ATP6V0A4: variants seen among roughly 807,000 people sequenced by gnomAD.
ATP6V0A4 encodes ATPase H+ transporting V0 subunit a4.
A neutral mutation model predicts 107.3 loss-of-function variants in ATP6V0A4; 86 were observed. That is an observed-to-expected ratio of 0.80 (90% confidence interval 0.67 to 0.96). ATP6V0A4 has a LOEUF of 0.96. Among genes scored for constraint, ATP6V0A4 ranks in the 40% least tolerant of loss-of-function variants. The pLI, the probability that ATP6V0A4 is intolerant of heterozygous loss-of-function variation, is 0.00. For synonymous variants in ATP6V0A4, 353 were observed against 381.4 expected (o/e 0.93, Z 0.87); for missense variants, 908 against 1,045.6 (o/e 0.87, Z 1.81).
chr7:138,781,327 T>C (rs1807909624), intron 2 of ATP6V0A4, among the ~76,000 whole-genome samples: 1 of 152,104 alleles, frequency 6.6e-6, no homozygotes, highest in Non-Finnish European at 1.5e-5. Context: ...ATTTTCTTTT[T>C]TTTTTTCTTT....
intron 1 of ATP6V0A4, among the ~76,000 whole-genome samples, chr7:138,786,636 T>A (rs1296135612): frequency 6.6e-6 from 1 of 151,966 alleles, no homozygotes; most frequent in Admixed American, 6.6e-5. Context: ...GGATGGATTT[T>A]TTTACCTATA....
chr7:138,723,069 A>AAG (rs943260110), intron 18 of ATP6V0A4, among the ~76,000 whole-genome samples: 12 of 151,622 alleles, frequency 7.9e-5, no homozygotes, highest in East Asian at 1.9e-4. Flanking sequence ...AAAAAAAAAA[A>AAG]AAAGAAAAAT....
chr7:138,770,235 AAGG>A (rs1807311523), intron 3 of ATP6V0A4, among the ~76,000 whole-genome samples: 1 of 149,870 alleles, frequency 6.7e-6, no homozygotes, highest in Non-Finnish European at 1.5e-5. Flanking sequence ...GAAAAGAAAA[AAGG>A]AAGGAAGGAA....
At chr7:138,786,980 A>T (rs1437849548) in intron 1 of ATP6V0A4, among the ~76,000 whole-genome samples, 1 of 152,198 alleles carries the variant, frequency 6.6e-6, no homozygotes, top group African/African-American at 2.4e-5. Context: ...TCCTGCATTG[A>T]CTACAGAGTC....
chr7:138,763,176 GACACACACA>G, intron 5 of ATP6V0A4, 151 bp from the exon 6 acceptor site: 1 of 815,292 alleles, frequency 1.2e-6, no homozygotes, highest in African/African-American at 1.7e-5. Flanking sequence ...GACACACACA[GACACACACA>G]GACACACACA....
rs1554394380 is a variant in ATP6V0A4 at position 138,737,115 on chromosome 7, A to AATAT, written c.1572+2421_1572+2424dup. ...GTTATGTAAAAAGTAAGCCCTTATT[A>AATAT]ATATATATATATGATACAAACTAAC... On this transcript the variant is annotated intron_variant, in intron 15 of 21. Transcript: ENST00000310018. Among the ~76,000 whole-genome samples the AATAT allele has an allele frequency of 2.3e-5, 2 of 86,720 alleles. 1 individual carries two copies. Among genetic ancestry groups the AATAT allele is most frequent in the African/African-American group, 9.5e-5 (2 of 21,050 alleles). 56.9% of individuals were successfully genotyped at this position (86,720 alleles called of 152,430 possible).
chr7:138,778,441 T>C (rs1225698566), intron 2 of ATP6V0A4, among the ~76,000 whole-genome samples: 1 of 150,246 alleles, frequency 6.7e-6, no homozygotes. Context: ...TATATATATA[T>C]ATATATATGC....
intron 19 of ATP6V0A4, among the ~76,000 whole-genome samples, chr7:138,717,268 A>G (rs1297732479): frequency 1.3e-5 from 2 of 152,170 alleles, no homozygotes; most frequent in Non-Finnish European, 2.9e-5. Context: ...GGGAAAGATC[A>G]AGGAAAGAGG....
Position 138,768,856 on chromosome 7 carries a change from A to T in ATP6V0A4, c.215T>A (p.Met72Lys). The part of the protein sequence containing the change: ...ERILRFLEDE[M>K]QNEIVVQLLE... ...CAACTGAACTACAATCTCATTTTGCATCTCGTCTTCCAGAAAACCTGAAGA... is the reference window on the plus strand; with the variant it reads ...CAACTGAACTACAATCTCATTTTGCTTCTCGTCTTCCAGAAAACCTGAAGA... The change falls in exon 5 of 22, where the codon ATG becomes AAG. Residue 72 changes from methionine (M) to lysine (K), a missense_variant. By Grantham distance (95) the Met-to-Lys change is moderately conservative. Transcript: ENST00000310018. The T allele has an allele frequency of 6.2e-7, 1 of 1,614,178 alleles. No individual in the cohort carries two copies.
chr7:138,731,319 C>A (rs1300041097), intron 17 of ATP6V0A4, among the ~76,000 whole-genome samples: 1 of 152,140 alleles, frequency 6.6e-6, no homozygotes, highest in African/African-American at 2.4e-5. Flanking sequence ...GCCGTAGAAG[C>A]ATGACATTAA....
chr7:138,722,270 GT>G (rs1334234878), intron 18 of ATP6V0A4, among the ~76,000 whole-genome samples: 1 of 152,116 alleles, frequency 6.6e-6, no homozygotes, highest in African/African-American at 2.4e-5. Context: ...ACAGCTTGTA[GT>G]GAGCGGACAT....
chr7:138,754,189 C>T (rs1339824503), intron 10 of ATP6V0A4, among the ~76,000 whole-genome samples: 1 of 152,152 alleles, frequency 6.6e-6, no homozygotes, highest in South Asian at 2.1e-4. Context: ...TGGCTCACGC[C>T]TGTAATCCCA....
intron 8 of ATP6V0A4, among the ~76,000 whole-genome samples, chr7:138,758,382 A>G (rs939043944): frequency 4.6e-5 from 7 of 152,182 alleles, no homozygotes; most frequent in African/African-American, 1.7e-4. Flanking sequence ...CATTTTTTTC[A>G]TAATCTTTCT....
chr7:138,778,460 C>CA (rs139072030), intron 2 of ATP6V0A4, among the ~76,000 whole-genome samples: 15,870 of 150,656 alleles, frequency 0.11, 1,327 homozygotes, highest in East Asian at 0.42. Context: ...GCAAATATTC[C>CA]AAAATCTGAA....
Position 138,739,609 on chromosome 7 carries a change from T to C in ATP6V0A4, c.1503A>G (p.Leu501=), listed in dbSNP as rs1297849622. 5.6e-6 allele frequency: 9 copies of C among 1,614,028 alleles called. No individual in the cohort carries two copies. The highest frequency in any genetic ancestry group is 2.2e-5 in the East Asian group (1 of 44,902). Residue 501 remains leucine, a synonymous_variant, in exon 15 of 22, where the codon CTA becomes CTG. Transcript: ENST00000310018. ...GTATGGCTGGGTCCAGCTGCAGATA[T>C]AGACTTTCCTCCATTACATGAGTAC... The part of the protein sequence containing the change: ...TWNTHVMEES[L]YLQLDPAIPG...
intron 20 of ATP6V0A4, among the ~76,000 whole-genome samples, chr7:138,712,714 T>G (rs1166918649): frequency 3.3e-5 from 5 of 151,868 alleles, no homozygotes; most frequent in African/African-American, 1.2e-4. Context: ...CAGGCAGCCA[T>G]GAACCATATG....
At chr7:138,770,541 A>C (rs907715469) in intron 3 of ATP6V0A4, among the ~76,000 whole-genome samples, 1 of 152,222 alleles carries the variant, frequency 6.6e-6, no homozygotes. Flanking sequence ...TCTTCCCTGC[A>C]GGAGCTTAGC....
chr7:138,726,196 A>G (rs981671177), intron 18 of ATP6V0A4, among the ~76,000 whole-genome samples: 13 of 152,056 alleles, frequency 8.5e-5, no homozygotes, highest in East Asian at 3.9e-4. Context: ...TCACCGTGTT[A>G]GCCAGGATGG....
Position 138,760,067 on chromosome 7 carries a change from T to C in ATP6V0A4, c.513-189A>G, listed in dbSNP as rs559443289. On this transcript the variant is annotated intron_variant, in intron 7 of 21. Transcript: ENST00000310018. ...GCATCCAGCCCTGACTTGCCCCAAG[T>C]CCCTTTGACCTTCTGTTTTCTTTGG... The C allele has an allele frequency of 1.2e-3, 491 of 402,278 alleles. 2 individuals are homozygous for C. Among genetic ancestry groups the C allele is most frequent in the African/African-American group, 0.01 (460 of 45,968 alleles). The allele number at this position is 402,278 out of a possible 1,614,324, so 24.9% of individuals were successfully genotyped here.
Sources: gnomAD v4.1 joint callset for allele counts (sites outside exome capture counted in the v4.1 genomes callset) on GRCh38, gnomAD v4.1.1 for gene constraint, MANE v1.5 for transcripts, NCBI Gene and HGNC (gene_info 2026-07-23, HGNC 2026-07-21) for gene names.